ANO4: variants seen among roughly 807,000 people sequenced by gnomAD.
ANO4 encodes anoctamin-4.
In ANO4, 69 loss-of-function variants were observed where a neutral mutation model predicts 141.9. The observed-to-expected ratio is 0.49, with a 90% CI of 0.40 to 0.59. The LOEUF (loss-of-function observed/expected upper bound fraction) is 0.59, where lower values mean the gene tolerates loss of function less well. Among genes scored for constraint, ANO4 ranks in the 20% least tolerant of loss-of-function variants. The pLI is 0.00. For missense variants in ANO4, 894 were observed against 1,162.2 expected, an observed-to-expected ratio of 0.77 and a Z score of 3.36; for synonymous variants, 350 against 394.3, an observed-to-expected ratio of 0.89 and a Z score of 1.33.
intron 1 of ANO4, among the ~76,000 whole-genome samples, chr12:100,886,279 C>G (rs1242987790): frequency 6.9e-6 from 1 of 144,768 alleles, no homozygotes; most frequent in African/African-American, 2.5e-5. Flanking sequence ...TCCCCGCTGT[C>G]TTAGCATGGA....
At chr12:100,801,222 G>C (rs537814474) in intron 1 of ANO4, among the ~76,000 whole-genome samples, 7 of 152,152 alleles carry the variant, frequency 4.6e-5, no homozygotes, top group African/African-American at 1.7e-4. Flanking sequence ...AATAATCCTT[G>C]AACAAACAGA....
chr12:100,730,051 C>T (rs555734217), intron 1 of ANO4, among the ~76,000 whole-genome samples: 1 of 152,254 alleles, frequency 6.6e-6, no homozygotes, highest in African/African-American at 2.4e-5. Context: ...CTCTCTCTCT[C>T]TGATTGTATA....
Position 101,116,813 on chromosome 12 carries a change from CA to C in ANO4, c.2570+16del, listed in dbSNP as rs2050872550. 3 of 1,613,848 alleles carry C rather than the reference CA, an allele frequency of 1.9e-6. No individual in the cohort carries two copies. Among genetic ancestry groups the C allele is most frequent in the Non-Finnish European group, 2.5e-6 (3 of 1,179,980 alleles). ...AAGTACTGCAGGTGAGTGTGGCACC[CA>C]GCGTGGCTCTGCCTGAGCTGGGCTG... On this transcript the variant is annotated intron_variant, in intron 25 of 27. Transcript: ENST00000392977.
At chr12:100,987,802 AGT>A (rs2044782637) in intron 8 of ANO4, 132 bp downstream of exon 8, 19 of 1,267,132 alleles carry the variant, frequency 1.5e-5, no homozygotes, top group Non-Finnish European at 1.9e-5. Context: ...AAGTCTTGTG[AGT>A]GTTCATATCC....
intron 4 of ANO4, 81 bp from the exon 5 acceptor site, chr12:100,942,295 GT>G: frequency 6.7e-7 from 1 of 1,503,362 alleles, no homozygotes; most frequent in Non-Finnish European, 9.0e-7. Context: ...AAGTTATTTA[GT>G]TTTAATTGTT....
At chr12:101,117,211 A>G (rs115256238) in intron 25 of ANO4, among the ~76,000 whole-genome samples, 1,748 of 152,290 alleles carry the variant, frequency 0.011, 30 homozygotes, top group African/African-American at 0.04. Context: ...TCTAAATGTT[A>G]AACAACTCAG....
intron 24 of ANO4, among the ~76,000 whole-genome samples, chr12:101,113,768 T>A (rs1393940789): frequency 6.6e-6 from 1 of 152,198 alleles, no homozygotes; most frequent in African/African-American, 2.4e-5. Flanking sequence ...ATCCCTTTCT[T>A]ATGTATTAAA....
At chr12:101,122,988 A>G (rs2051155246) in intron 26 of ANO4, among the ~76,000 whole-genome samples, 1 of 152,204 alleles carries the variant, frequency 6.6e-6, no homozygotes, top group Non-Finnish European at 1.5e-5. Flanking sequence ...ATTTTCTTTC[A>G]GGGTTTAAGA....
intron 3 of ANO4, among the ~76,000 whole-genome samples, chr12:100,938,200 A>T (rs2042363316): frequency 1.3e-5 from 2 of 152,212 alleles, no homozygotes; most frequent in Non-Finnish European, 2.9e-5. Flanking sequence ...ATCTACGTAG[A>T]TCATCTCTAT....
At chr12:100,792,703 C>G (rs1398611190), upstream of ANO4, among the ~76,000 whole-genome samples, 1 of 152,128 alleles carries the variant, frequency 6.6e-6, no homozygotes, top group Admixed American at 6.6e-5. Context: ...ATTTGTATTT[C>G]TGCAGTATTT....
chr12:101,052,317 A>T (rs574752635), intron 14 of ANO4, among the ~76,000 whole-genome samples: 1 of 152,102 alleles, frequency 6.6e-6, no homozygotes, highest in Non-Finnish European at 1.5e-5. Context: ...TCATTCCTCA[A>T]TGCTCATTTT....
chr12:100,925,037 C>T (rs2041805690), intron 3 of ANO4, among the ~76,000 whole-genome samples: 1 of 151,856 alleles, frequency 6.6e-6, no homozygotes, highest in Non-Finnish European at 1.5e-5. Context: ...CAAATCCAGC[C>T]CTTTATAAGT....
chr12:100,789,956 T>C (rs190151510), upstream of ANO4, among the ~76,000 whole-genome samples: 2 of 152,288 alleles, frequency 1.3e-5, no homozygotes, highest in Admixed American at 6.5e-5. Context: ...GAAAAAACAC[T>C]GCGGAAACAC....
At chr12:101,043,289 G>A (rs1485611809) in intron 12 of ANO4, among the ~76,000 whole-genome samples, 1 of 152,128 alleles carries the variant, frequency 6.6e-6, no homozygotes, top group African/African-American at 2.4e-5. Flanking sequence ...AACAATCAAT[G>A]TTTGGCTTCA....
At chr12:100,827,554 G>A (rs1350766065) in intron 1 of ANO4, among the ~76,000 whole-genome samples, 1 of 151,808 alleles carries the variant, frequency 6.6e-6, no homozygotes, top group Non-Finnish European at 1.5e-5. Context: ...AATAATGCCT[G>A]CATAGTAGGA....
chr12:101,053,060 A>G (rs1219899894), intron 14 of ANO4, among the ~76,000 whole-genome samples: 1 of 152,246 alleles, frequency 6.6e-6, no homozygotes, highest in East Asian at 1.9e-4. Context: ...CTCATACACA[A>G]AAATGAGTTA....
intron 5 of ANO4, among the ~76,000 whole-genome samples, chr12:100,945,873 A>G (rs746113183): frequency 2.6e-5 from 4 of 152,214 alleles, no homozygotes; most frequent in Non-Finnish European, 4.4e-5. Flanking sequence ...TATGCCAGGC[A>G]TTGCTTTAAG....
chr12:101,127,656 A>T (rs961935849), intron 27 of ANO4, among the ~76,000 whole-genome samples: 2 of 152,176 alleles, frequency 1.3e-5, no homozygotes, highest in African/African-American at 2.4e-5. Context: ...AGTTGGCAGG[A>T]TGTGATGTTG....
intron 3 of ANO4, among the ~76,000 whole-genome samples, chr12:100,746,327 C>A (rs954155539): frequency 6.6e-6 from 1 of 152,074 alleles, no homozygotes; most frequent in Non-Finnish European, 1.5e-5. Flanking sequence ...GTGTCATGCA[C>A]CTGTAATCCT....
Sources: allele counts gnomAD v4.1 joint callset (sites outside exome capture counted in the v4.1 genomes callset), GRCh38; gene constraint gnomAD v4.1.1; transcripts MANE v1.5; gene names NCBI Gene and HGNC (gene_info 2026-07-23, HGNC 2026-07-21).